NT5C1B: variants seen among roughly 807,000 people sequenced by gnomAD.
The protein encoded by NT5C1B is cytosolic 5'-nucleotidase 1B.
Under a neutral mutation model 57.8 loss-of-function variants are expected in NT5C1B, and 44 were observed. The ratio of observed to expected loss-of-function variants is 0.76; its 90% CI spans 0.60 to 0.98. The LOEUF is 0.98. NT5C1B is among the 50% of genes least tolerant of loss of function. NT5C1B has a pLI of 0.00. For synonymous variants in NT5C1B, 284 were observed against 282.6 expected, an observed-to-expected ratio of 1.00 and a Z score of -0.05; for missense variants, 742 against 719.5, an observed-to-expected ratio of 1.03 and a Z score of -0.36.
exon 9 of NT5C1B, chr2:18,563,986 A>C: frequency 6.2e-7 from 1 of 1,614,212 alleles, no homozygotes; most frequent in Non-Finnish European, 8.5e-7. Context: ...GGTCTTCAGC[A>C]CACGGGCGCC....
At chr2:18,564,607 CA>C (rs1366553496) in intron 8 of NT5C1B, among the ~76,000 whole-genome samples, 5 of 152,136 alleles carry the variant, frequency 3.3e-5, no homozygotes, top group African/African-American at 1.2e-4. Flanking sequence ...TTAACCTTTC[CA>C]AACACTTGGT....
intron 8 of NT5C1B, among the ~76,000 whole-genome samples, chr2:18,571,998 A>G (rs1386245125): frequency 6.7e-6 from 1 of 149,408 alleles, no homozygotes; most frequent in Non-Finnish European, 1.5e-5. Context: ...AGGCAGGAGA[A>G]TCTCTTGAAC....
chr2:18,563,479 A>G, exon 9 of NT5C1B: 1 of 200,362 alleles, frequency 5.0e-6, no homozygotes, highest in Non-Finnish European at 1.0e-5. Flanking sequence ...CAGTGTTTAT[A>G]AAACTAAGTA....
chr2:18,563,447 T>C (rs563294390), exon 9 of NT5C1B: 17 of 171,516 alleles, frequency 9.9e-5, no homozygotes, highest in Non-Finnish European at 1.7e-4. Context: ...TTCATTGTTA[T>C]CTACAAACAT....
chr2:18,579,559 A>T (rs113415160), intron 6 of NT5C1B, among the ~76,000 whole-genome samples: 128 of 152,342 alleles, frequency 8.4e-4, no homozygotes, highest in African/African-American at 2.9e-3. Flanking sequence ...GTATTCAATA[A>T]ATGGTGCTGG....
rs763965281 is a variant in NT5C1B at position 18,582,969 on chromosome 2, C to T, written c.920G>A (p.Arg307His). 21 of 1,613,668 alleles carry T rather than the reference C, an allele frequency of 1.3e-5. No individual in the cohort carries two copies. Among genetic ancestry groups the T allele is most frequent in the Admixed American group, 8.3e-5 (5 of 59,974 alleles). ...GTCCTGTTCATCAGGATATAGATCACGGAGTCTAGCATTGACATACTGTAG... is the reference window on the plus strand; with the variant it reads ...GTCCTGTTCATCAGGATATAGATCATGGAGTCTAGCATTGACATACTGTAG... Residue 307 changes from arginine to histidine, a missense_variant, in exon 6 of 9, where the codon CGT (arginine) becomes CAT (histidine). Arg to His is a conservative substitution (Grantham distance 29, BLOSUM62 0). Transcript: ENST00000304081.
At chr2:18,568,066 C>T (rs919770201) in intron 8 of NT5C1B, among the ~76,000 whole-genome samples, 2 of 145,220 alleles carry the variant, frequency 1.4e-5, no homozygotes, top group Non-Finnish European at 1.5e-5. Flanking sequence ...GAAAAAAGAG[C>T]AGAGCATTGA....
chr2:18,587,484 G>A lies in NT5C1B; in HGVS notation c.120+19C>T. The A allele has an allele frequency of 6.2e-7, 1 of 1,608,972 alleles. No homozygotes were observed. Among genetic ancestry groups the A allele is most frequent in the Non-Finnish European group, 8.5e-7 (1 of 1,179,174 alleles). The stretch of plus-strand genomic sequence containing the variant: ...TCTGCTCCTTAATTTCCTCACCTCT[G>A]CTACAGAGATCAGCTCACCTGATTG... On this transcript the variant is annotated intron_variant, in intron 2 of 8. Transcript: ENST00000304081.
chr2:18,573,170 T>C (rs1479137458), intron 8 of NT5C1B, among the ~76,000 whole-genome samples: 2 of 151,996 alleles, frequency 1.3e-5, no homozygotes, highest in Admixed American at 6.6e-5. Context: ...CTATGATAAA[T>C]AAAAGAAGTC....
chr2:18,586,657 C>T (rs1462423659), intron 2 of NT5C1B: 2 of 588,320 alleles, frequency 3.4e-6, no homozygotes, highest in African/African-American at 1.9e-5. Flanking sequence ...CACTGTGACT[C>T]CTCTTATGTG....
At position 18,576,989 on chromosome 2, in the gene NT5C1B, A is replaced by G. The variant is rs1665743676; in HGVS notation, c.1022-94T>C. On this transcript the variant is annotated intron_variant, in intron 6 of 8. Coordinates refer to ENST00000304081, the Ensembl canonical transcript of NT5C1B. Reference sequence around the variant, plus strand: ...AGTTACCTTAGAGATAACTGAGTTTATTTGTAAATTCAACTGGCTTTATTT... The same window carrying G: ...AGTTACCTTAGAGATAACTGAGTTTGTTTGTAAATTCAACTGGCTTTATTT... The G allele has an allele frequency of 3.2e-6, 5 of 1,569,226 alleles. No homozygotes were observed. In the Admixed American group the frequency reaches 1.0e-4, roughly 32 times the overall value.
rs574275637 is a variant in NT5C1B at position 18,566,505 on chromosome 2, T to A, written c.1330-2386A>T. Among the ~76,000 whole-genome samples the A allele has an allele frequency of 4.6e-5, 7 of 152,268 alleles. No individual in the cohort carries two copies. The East Asian group carries it at 1.2e-3, about 25-fold the overall frequency. Reference sequence around the variant, plus strand: ...TGTTTTTATGACAAAAGCAGAAAACTCATAGTGACTGTTGGCAGGAACCAC... The same window carrying A: ...TGTTTTTATGACAAAAGCAGAAAACACATAGTGACTGTTGGCAGGAACCAC... On this transcript the variant is annotated intron_variant, in intron 8 of 8. Transcript: ENST00000304081.
At chr2:18,564,078 T>C (rs2148067624) in exon 9 of NT5C1B, 1 of 1,603,640 alleles carries the variant, frequency 6.2e-7, no homozygotes, top group East Asian at 2.2e-5. Context: ...AGAACTTCTT[T>C]TGCAGTCTGC....
chr2:18,563,979 C>T, exon 9 of NT5C1B: 13 of 1,614,200 alleles, frequency 8.1e-6, no homozygotes, highest in Non-Finnish European at 1.1e-5. Context: ...GTCGAAGGGT[C>T]TTCAGCACAC....
At chr2:18,580,275 A>G (rs1008162653) in intron 6 of NT5C1B, among the ~76,000 whole-genome samples, 13 of 152,146 alleles carry the variant, frequency 8.5e-5, no homozygotes, top group Non-Finnish European at 1.6e-4. Flanking sequence ...CAGCAATCCC[A>G]TTGCTGGGTA....
At chr2:18,577,346 G>A (rs150504257) in intron 6 of NT5C1B, among the ~76,000 whole-genome samples, 1,898 of 140,754 alleles carry the variant, frequency 0.013, 35 homozygotes, top group African/African-American at 0.046. Flanking sequence ...CTCACTAACT[G>A]TAAAGGTCTA....
At chr2:18,576,394 T>C in intron 7 of NT5C1B, 26 bp from the exon 8 acceptor site, 1 of 1,599,568 alleles carries the variant, frequency 6.3e-7, no homozygotes, top group Non-Finnish European at 8.5e-7. Context: ...GACTGATTAA[T>C]ACTCTTCTCA....
chr2:18,577,687 C>T (rs1454938709), intron 6 of NT5C1B, among the ~76,000 whole-genome samples: 1 of 150,914 alleles, frequency 6.6e-6, no homozygotes, highest in Non-Finnish European at 1.5e-5. Context: ...CATAACATCA[C>T]ACCTAGAGAA....
chr2:18,563,158 A>T (rs1052741864), exon 9 of NT5C1B: 7 of 151,902 alleles, frequency 4.6e-5, no homozygotes, highest in African/African-American at 1.7e-4. Flanking sequence ...GATCAGAGGC[A>T]TTTAACCCAC....
Sources: gnomAD v4.1 joint callset for allele counts (sites outside exome capture counted in the v4.1 genomes callset) on GRCh38, gnomAD v4.1.1 for gene constraint, MANE v1.5 for transcripts, NCBI Gene and HGNC (gene_info 2026-07-23, HGNC 2026-07-21) for gene names.